RABGAP1: variants seen among roughly 807,000 people sequenced by gnomAD.
RABGAP1 encodes the protein rab GTPase-activating protein 1.
In RABGAP1, 23 loss-of-function variants were observed where a neutral mutation model predicts 137.6. That is an observed-to-expected ratio of 0.17 (90% CI 0.12 to 0.24). The LOEUF (loss-of-function observed/expected upper bound fraction) is 0.24. Ranked by LOEUF, RABGAP1 falls within the 10% of genes least tolerant of loss-of-function variation. The pLI, the probability that RABGAP1 is intolerant of heterozygous loss-of-function variation, is 1.00. For missense variants in RABGAP1, 906 were observed against 1,275.8 expected (o/e 0.71, Z 4.42); for synonymous variants, 451 against 450.7 (o/e 1.00, Z -0.01).
intron 22 of RABGAP1, 122 bp from the exon 23 acceptor site, chr9:123,098,593 A>T (rs2035252694): frequency 1.5e-6 from 1 of 685,024 alleles, no homozygotes. Flanking sequence ...AAAGTAGCTG[A>T]ATTAGAGGAC....
chr9:123,020,426 C>G lies in RABGAP1; in HGVS notation c.1761C>G (p.His587Gln), dbSNP rs201053287. The G allele has an allele frequency of 4.7e-5, 75 of 1,603,898 alleles. No homozygotes were observed. Among genetic ancestry groups the G allele is most frequent in the Middle Eastern group, 1.7e-4 (1 of 6,044 alleles). Residue 587 changes from histidine (H) to glutamine (Q), a missense_variant, in exon 13 of 26, where the codon CAC (histidine) becomes CAG (glutamine). Physicochemically the swap from His to Gln is conservative, Grantham distance 24. Around this residue, in one of 9 missense-constraint regions of RABGAP1, gnomAD observed 212 missense variants for 289.4 expected, o/e 0.73. Coordinates refer to ENST00000373647, the MANE Select transcript of RABGAP1 (RefSeq NM_012197.4). Reference protein sequence around the residue: ...QLLAGCHNNDHLVEKYRILIT... With the variant: ...QLLAGCHNNDQLVEKYRILIT... ...TAGCAGGCTGTCATAACAATGACCA[C>G]CTGGTAGAGAAATACCGCATTCTTA...
chr9:123,003,176 G>T (rs1466391975), intron 10 of RABGAP1, among the ~76,000 whole-genome samples: 1 of 152,060 alleles, frequency 6.6e-6, no homozygotes, highest in Non-Finnish European at 1.5e-5. Flanking sequence ...AGTATTTGAG[G>T]TTCAACTGTG....
intron 13 of RABGAP1, among the ~76,000 whole-genome samples, chr9:123,049,649 A>AT (rs2033370965): frequency 1.3e-5 from 2 of 152,226 alleles, no homozygotes; most frequent in South Asian, 4.1e-4. Context: ...TGTGATGTTC[A>AT]TAACATTCAG....
rs564373519 is a variant in RABGAP1 at position 122,986,898 on chromosome 9, C to T, written c.590+479C>T. ...ATCCCAGCATTTTGGGAGGCTGAGA[C>T]GGGTTGATCACTTAAGTTCAGGGGT... On this transcript the variant is annotated intron_variant, in intron 4 of 25. Coordinates refer to ENST00000373647, the MANE Select transcript of RABGAP1 (RefSeq NM_012197.4). Among the ~76,000 whole-genome samples the T allele has an allele frequency of 7.2e-5, 11 of 152,186 alleles. No homozygotes were observed. In the South Asian group the frequency reaches 8.3e-4, roughly 11 times the overall value.
At chr9:122,969,246 A>G (rs1835342115) in intron 2 of RABGAP1, among the ~76,000 whole-genome samples, 1 of 152,220 alleles carries the variant, frequency 6.6e-6, no homozygotes, top group Non-Finnish European at 1.5e-5. Flanking sequence ...AACAGGCTAT[A>G]CCATACAGCC....
At chr9:123,076,173 G>T in intron 17 of RABGAP1, 72 bp from the exon 18 acceptor site, 2 of 1,423,656 alleles carry the variant, frequency 1.4e-6, no homozygotes, top group Admixed American at 2.0e-5. Flanking sequence ...AAAAATGTGG[G>T]GTATAAGGAC....
At chr9:122,978,632 C>G (rs1470627544) in intron 2 of RABGAP1, among the ~76,000 whole-genome samples, 2 of 152,104 alleles carry the variant, frequency 1.3e-5, no homozygotes, top group African/African-American at 4.8e-5. Context: ...AAAACCCTGT[C>G]TCTCAAAAAA....
intron 2 of RABGAP1, among the ~76,000 whole-genome samples, chr9:122,974,517 C>T (rs1462095389): frequency 6.9e-6 from 1 of 145,802 alleles, no homozygotes. Flanking sequence ...TGGCCATGTG[C>T]AGTGGCTCAT....
At chr9:123,018,032 C>T (rs185097129) in intron 12 of RABGAP1, among the ~76,000 whole-genome samples, 131 of 152,250 alleles carry the variant, frequency 8.6e-4, no homozygotes, top group African/African-American at 3.0e-3. Flanking sequence ...GTCTCGCTGT[C>T]GCCCAGGCTG....
At chr9:123,054,516 T>C (rs2033615801) in intron 13 of RABGAP1, among the ~76,000 whole-genome samples, 1 of 152,246 alleles carries the variant, frequency 6.6e-6, no homozygotes, top group Admixed American at 6.5e-5. Flanking sequence ...TACTCTGTTA[T>C]TAACTCTATT....
chr9:123,101,528 C>A, intron 24 of RABGAP1, 38 bp from the exon 25 acceptor site: 2 of 1,587,388 alleles, frequency 1.3e-6, no homozygotes, highest in Non-Finnish European at 1.7e-6. Context: ...GGGCCAGTTC[C>A]TCTTCTTTGC....
chr9:123,073,401 C>A, intron 15 of RABGAP1, 151 bp from the exon 16 acceptor site: 3 of 928,810 alleles, frequency 3.2e-6, no homozygotes, highest in Non-Finnish European at 3.2e-6. Flanking sequence ...ATGTTTTAAA[C>A]ACAACCTTAG....
At chr9:123,062,333 G>A (rs913587017) in intron 13 of RABGAP1, 3 of 152,190 alleles carry the variant, frequency 2.0e-5, no homozygotes, top group African/African-American at 7.2e-5. Flanking sequence ...ATTTTGAAAA[G>A]CTCTTTGCTT....
chr9:123,047,731 C>T (rs542423278), intron 13 of RABGAP1, among the ~76,000 whole-genome samples: 1 of 151,880 alleles, frequency 6.6e-6, no homozygotes, highest in Non-Finnish European at 1.5e-5. Context: ...AAGGTTGAAA[C>T]CTCAGAATAT....
At chr9:123,069,160 G>A (rs546778366) in intron 14 of RABGAP1, among the ~76,000 whole-genome samples, 63 of 152,240 alleles carry the variant, frequency 4.1e-4, no homozygotes, top group African/African-American at 1.5e-3. Context: ...AGAGGAGATG[G>A]GTAGTAATCA....
At position 122,945,147 on chromosome 9, in the gene RABGAP1, C is replaced by CTTTT. The variant is rs202090815; in HGVS notation, c.-50+4067_-50+4070dup. ...CACCATGTATACATCATAGCTGTTG[C>CTTTT]TTTTTTTTTTTTTTTTAGCATAAAC... On this transcript the variant is annotated intron_variant, in intron 1 of 25. Coordinates refer to ENST00000373647, the MANE Select transcript of RABGAP1 (RefSeq NM_012197.4). Among the ~76,000 whole-genome samples the CTTTT allele has an allele frequency of 2.6e-4, 20 of 75,826 alleles. 1 individual carries two copies. The highest frequency in any genetic ancestry group is 2.9e-4 in the Non-Finnish European group (10 of 34,992). The allele number at this position is 75,826 out of a possible 152,430, so 49.7% of individuals were successfully genotyped here. A position where few individuals can be genotyped will look rare whatever the true frequency, so the allele number is the denominator to read the frequency against.
chr9:123,092,976 C>G (rs1271083949), intron 21 of RABGAP1, among the ~76,000 whole-genome samples: 1 of 152,176 alleles, frequency 6.6e-6, no homozygotes, highest in African/African-American at 2.4e-5. Flanking sequence ...CTTTCCCACA[C>G]TCACTTTCCC....
At chr9:123,101,245 C>G (rs1270941765) in intron 24 of RABGAP1, among the ~76,000 whole-genome samples, 4 of 152,132 alleles carry the variant, frequency 2.6e-5, no homozygotes, top group Non-Finnish European at 5.9e-5. Flanking sequence ...AGTTTATCCC[C>G]TGCTTTTTTG....
rs140461089 is a variant in RABGAP1, at chr9:123,086,137, G to A, written c.2425-3621G>A. Among the ~76,000 whole-genome samples, 393 of 152,260 alleles carry A rather than the reference G, an allele frequency of 2.6e-3. 1 individual carries two copies. The highest frequency in any genetic ancestry group is 6.8e-3 in the Middle Eastern group (2 of 294). ...GAATAGTTACATAACTGAAAGAACT[G>A]GCCTGACAGGACGAGAGTATGAGGG... is the stretch of plus-strand genomic sequence containing the variant. On this transcript the variant is annotated intron_variant, in intron 19 of 25. Transcript: ENST00000373647.
Sources: allele counts gnomAD v4.1 joint callset (sites outside exome capture counted in the v4.1 genomes callset), GRCh38; gene constraint gnomAD v4.1.1; regional missense constraint gnomAD v4.1.1; transcripts MANE v1.5; gene names NCBI Gene and HGNC (gene_info 2026-07-23, HGNC 2026-07-21).